Variants in ANTXR1 observed in about 807,000 individuals in gnomAD.
The protein encoded by ANTXR1 is anthrax toxin receptor 1.
A neutral mutation model predicts 78.1 loss-of-function variants in ANTXR1; 19 were observed. That is an observed-to-expected ratio of 0.24 (90% CI 0.17 to 0.36). The LOEUF (loss-of-function observed/expected upper bound fraction) is 0.36. Ranked by LOEUF, ANTXR1 falls within the 10% of genes least tolerant of loss-of-function variation. ANTXR1 has a pLI of 1.00. For synonymous variants in ANTXR1, 273 were observed against 260.5 expected (o/e 1.05, Z -0.46); for missense variants, 518 against 718.6 (o/e 0.72, Z 3.19).
chr2:69,040,154 T>G, intron 2 of ANTXR1, 39 bp downstream of exon 2: 3 of 1,567,062 alleles, frequency 1.9e-6, no homozygotes, highest in Non-Finnish European at 2.6e-6. Flanking sequence ...TGTAGTTCTC[T>G]GTCATGAGTC....
chr2:69,195,181 A>G (rs1182181067), intron 17 of ANTXR1, among the ~76,000 whole-genome samples: 1 of 146,658 alleles, frequency 6.8e-6, no homozygotes. Context: ...AAAAAGAAAA[A>G]AGAAAAAGAA....
At chr2:69,142,199 C>A (rs1446028395) in intron 12 of ANTXR1, among the ~76,000 whole-genome samples, 1 of 152,158 alleles carries the variant, frequency 6.6e-6, no homozygotes, top group Non-Finnish European at 1.5e-5. Context: ...AGGAATGAGA[C>A]CATGGAGGGG....
At chr2:69,219,437 T>C (rs1475539016) in intron 17 of ANTXR1, among the ~76,000 whole-genome samples, 1 of 90,942 alleles carries the variant, frequency 1.1e-5, no homozygotes, top group Non-Finnish European at 2.5e-5. Context: ...CTGATGAAAA[T>C]TAGGTTATCT....
At chr2:69,133,457 G>A (rs1204026687) in intron 12 of ANTXR1, among the ~76,000 whole-genome samples, 1 of 152,216 alleles carries the variant, frequency 6.6e-6, no homozygotes, top group African/African-American at 2.4e-5. Context: ...AACTGGAAGG[G>A]AGATTGGAGA....
At chr2:69,088,348 T>C (rs1215447698) in intron 8 of ANTXR1, among the ~76,000 whole-genome samples, 1 of 152,246 alleles carries the variant, frequency 6.6e-6, no homozygotes, top group Non-Finnish European at 1.5e-5. Flanking sequence ...TTTAAATTCT[T>C]GGACTGTTTT....
At chr2:69,110,431 A>G (rs1558557946) in intron 10 of ANTXR1, among the ~76,000 whole-genome samples, 1 of 152,200 alleles carries the variant, frequency 6.6e-6, no homozygotes, top group Admixed American at 6.5e-5. Context: ...TAACAACCTA[A>G]ATGTCTGACA....
intron 14 of ANTXR1, among the ~76,000 whole-genome samples, chr2:69,173,154 T>A (rs1438785925): frequency 6.6e-6 from 1 of 152,236 alleles, no homozygotes; most frequent in African/African-American, 2.4e-5. Flanking sequence ...GAGGCAGCTC[T>A]AGACACCACC....
chr2:69,062,853 G>A (rs1670287957), intron 3 of ANTXR1, among the ~76,000 whole-genome samples: 1 of 151,876 alleles, frequency 6.6e-6, no homozygotes, highest in Non-Finnish European at 1.5e-5. Flanking sequence ...ACAATGGGGG[G>A]GAAGATATGG....
intron 16 of ANTXR1, among the ~76,000 whole-genome samples, chr2:69,192,644 G>A (rs527777778): frequency 3.3e-5 from 5 of 152,248 alleles, no homozygotes; most frequent in East Asian, 3.9e-4. Context: ...ACAGGTTCCC[G>A]GGAATACAAA....
At chr2:69,074,639 T>C (rs1359580509) in intron 6 of ANTXR1, among the ~76,000 whole-genome samples, 1 of 152,242 alleles carries the variant, frequency 6.6e-6, no homozygotes, top group East Asian at 1.9e-4. Flanking sequence ...TCTAAAAGTT[T>C]ATTTTATCCT....
chr2:69,078,172 C>T (rs958626411), intron 8 of ANTXR1, among the ~76,000 whole-genome samples: 1 of 152,202 alleles, frequency 6.6e-6, no homozygotes, highest in African/African-American at 2.4e-5. Context: ...TATTCTCCAC[C>T]TCCCATACAC....
chr2:69,157,865 T>C (rs1228914195), intron 13 of ANTXR1, among the ~76,000 whole-genome samples: 2 of 152,224 alleles, frequency 1.3e-5, no homozygotes. Context: ...GGCAGCCAGG[T>C]GATGAGCCTA....
chr2:69,040,011 T>A, intron 1 of ANTXR1, 33 bp from the exon 2 acceptor site: 1 of 1,584,252 alleles, frequency 6.3e-7, no homozygotes. Flanking sequence ...AGTAAACACC[T>A]GAGTCACGCA....
intron 9 of ANTXR1, among the ~76,000 whole-genome samples, chr2:69,099,274 A>T (rs999732156): frequency 2.6e-5 from 4 of 152,212 alleles, no homozygotes; most frequent in Admixed American, 2.0e-4. Context: ...TCCATGTCAT[A>T]GCATGTATGA....
At chr2:69,172,971 T>A (rs2104453901) in intron 14 of ANTXR1, among the ~76,000 whole-genome samples, 1 of 152,330 alleles carries the variant, frequency 6.6e-6, no homozygotes, top group Non-Finnish European at 1.5e-5. Context: ...CGTGGGAGAA[T>A]GCAGTAATGG....
chr2:69,224,497 C>G (rs1319298569), intron 17 of ANTXR1, among the ~76,000 whole-genome samples: 1 of 152,178 alleles, frequency 6.6e-6, no homozygotes, highest in African/African-American at 2.4e-5. Flanking sequence ...TTCCCTTTCC[C>G]TGCCCTCAAA....
intron 3 of ANTXR1, among the ~76,000 whole-genome samples, chr2:69,056,783 C>T (rs1230529227): frequency 6.6e-6 from 1 of 152,200 alleles, no homozygotes; most frequent in African/African-American, 2.4e-5. Context: ...AAGCAATTCT[C>T]ATGCCTCAGC....
Position 69,067,436 on chromosome 2 carries a change from C to T in ANTXR1, c.297-3211C>T, listed in dbSNP as rs957433721. On this transcript the variant is annotated intron_variant, in intron 3 of 17. Transcript: ENST00000303714. ...AAGCCAAGCAAATATTTCCACACCC[C>T]CAAGAAGCCTTTTTTTTTTTTTTTT... 1.6e-3 allele frequency among the ~76,000 whole-genome samples: 241 copies of T among 147,108 alleles called. 3 individuals carry two copies. The highest frequency in any genetic ancestry group is 6.4e-4 in the Non-Finnish European group (43 of 67,478).
chr2:69,172,263 A>G (rs1271734324), intron 14 of ANTXR1: 2 of 888,692 alleles, frequency 2.3e-6, no homozygotes, highest in Admixed American at 2.0e-5. Context: ...TAAACATTGT[A>G]CTTTTTAGCA....
Sources: gnomAD v4.1 joint callset for allele counts (sites outside exome capture counted in the v4.1 genomes callset) on GRCh38, gnomAD v4.1.1 for gene constraint, MANE v1.5 for transcripts, NCBI Gene and HGNC (gene_info 2026-07-23, HGNC 2026-07-21) for gene names.